Variants in COL22A1 observed in about 807,000 individuals in gnomAD.
COL22A1 encodes collagen alpha-1(XXII) chain.
COL22A1 carries 221 observed loss-of-function variants against 248.9 expected under a neutral mutation model. That is an observed-to-expected ratio of 0.89 (90% CI 0.80 to 0.99). The LOEUF (loss-of-function observed/expected upper bound fraction) is 0.99, where lower values mean the gene tolerates loss of function less well. Among genes scored for constraint, COL22A1 ranks in the 50% least tolerant of loss-of-function variants. COL22A1 has a pLI of 0.00. For synonymous variants in COL22A1, 891 were observed against 793.4 expected (o/e 1.12, Z -2.07); for missense variants, 2,240 against 2,179.0 (o/e 1.03, Z -0.56).
At chr8:138,604,880 CAAT>C in intron 58 of COL22A1, 111 bp from the exon 59 acceptor site, 1 of 977,080 alleles carries the variant, frequency 1.0e-6, no homozygotes, top group Non-Finnish European at 1.6e-6. Flanking sequence ...GCAAAGACAA[CAAT>C]CGATGGTCTA....
chr8:138,895,937 G>T (rs1009358577), intron 1 of COL22A1, among the ~76,000 whole-genome samples: 3 of 152,074 alleles, frequency 2.0e-5, no homozygotes, highest in Non-Finnish European at 4.4e-5. Context: ...TGTCTATAGT[G>T]GAAACACAAA....
chr8:138,870,026 G>A (rs1164420416), intron 3 of COL22A1, among the ~76,000 whole-genome samples: 3 of 151,876 alleles, frequency 2.0e-5, no homozygotes, highest in Non-Finnish European at 2.9e-5. Flanking sequence ...AGGGTGGCAC[G>A]TGAGGCCATA....
chr8:138,606,617 G>A (rs1177650301), intron 57 of COL22A1, among the ~76,000 whole-genome samples, 165 bp from the exon 58 acceptor site: 3 of 152,140 alleles, frequency 2.0e-5, no homozygotes, highest in Non-Finnish European at 4.4e-5. Flanking sequence ...ACGGGGTCTT[G>A]GGACTCCTGG....
intron 23 of COL22A1, among the ~76,000 whole-genome samples, chr8:138,733,071 C>T (rs1474127793): frequency 3.3e-5 from 5 of 152,188 alleles, no homozygotes; most frequent in African/African-American, 1.2e-4. Context: ...CTTCCCACTT[C>T]AAGGGGTTTC....
chr8:138,689,097 C>G (rs1360051335), intron 36 of COL22A1, 127 bp from the exon 37 acceptor site: 1 of 741,280 alleles, frequency 1.3e-6, no homozygotes, highest in Non-Finnish European at 2.4e-6. Flanking sequence ...CACCCAATTC[C>G]CATACTTTAT....
intron 12 of COL22A1, among the ~76,000 whole-genome samples, chr8:138,782,942 T>C (rs1815156927): frequency 6.6e-6 from 1 of 152,138 alleles, no homozygotes; most frequent in African/African-American, 2.4e-5. Context: ...CTGCTGCCCT[T>C]ACCTGACAAT....
Position 138,626,076 on chromosome 8 carries a change from C to G in COL22A1, c.3717+114G>C, listed in dbSNP as rs138971115. On this transcript the variant is annotated intron_variant, in intron 51 of 64. Coordinates refer to ENST00000303045, the MANE Select transcript of COL22A1 (RefSeq NM_152888.3). ...TTTGTTTCTAATTTTCTACAACACT[C>G]AAAATTCTAGTGGCCAGGCCTTGTT... 400 of 773,998 alleles carry G rather than the reference C, an allele frequency of 5.2e-4. No homozygotes were observed. The East Asian group carries it at 9.6e-3, about 19-fold the overall frequency. 47.9% of individuals were successfully genotyped at this position (773,998 alleles called of 1,614,324 possible). A position where few individuals can be genotyped will look rare whatever the true frequency, so the allele number is the denominator to read the frequency against.
intron 2 of COL22A1, among the ~76,000 whole-genome samples, chr8:138,880,852 C>T (rs1824145657): frequency 6.6e-6 from 1 of 152,214 alleles, no homozygotes; most frequent in South Asian, 2.1e-4. Context: ...AGACTGTAAT[C>T]CTAGAACAAA....
At chr8:138,709,401 A>G (rs1426935518) in intron 30 of COL22A1, among the ~76,000 whole-genome samples, 4 of 152,126 alleles carry the variant, frequency 2.6e-5, no homozygotes, top group African/African-American at 9.7e-5. Context: ...ATGTCCATCA[A>G]TGATAGACTG....
At chr8:138,625,223 G>A (rs1820138753) in intron 51 of COL22A1, among the ~76,000 whole-genome samples, 1 of 152,158 alleles carries the variant, frequency 6.6e-6, no homozygotes, top group African/African-American at 2.4e-5. Context: ...TGAGATGGGG[G>A]AAGATCGAAG....
chr8:138,782,745 G>T (rs1815129751), intron 12 of COL22A1, among the ~76,000 whole-genome samples: 1 of 152,158 alleles, frequency 6.6e-6, no homozygotes, highest in Admixed American at 6.6e-5. Context: ...AAATGAAAGT[G>T]TGCACACTCT....
Position 138,648,385 on chromosome 8 carries a change from A to G in COL22A1, c.3447+1280T>C, listed in dbSNP as rs561195403. ...AGTCAGAATAAAGGTCATCTTTCAC[A>G]TCTGTGTTTGTATTCCCTGTACCAT... is the stretch of plus-strand genomic sequence containing the variant. On this transcript the variant is annotated intron_variant, in intron 46 of 64. Coordinates refer to ENST00000303045, the MANE Select transcript of COL22A1 (RefSeq NM_152888.3). 2.9e-4 allele frequency among the ~76,000 whole-genome samples: 44 copies of G among 152,384 alleles called. 1 individual carries two copies. Among genetic ancestry groups the G allele is most frequent in the African/African-American group, 1.0e-3 (42 of 41,608 alleles).
rs1038552458 is a variant in COL22A1, at chr8:138,588,860, G to C, written c.*393C>G. ...AAGAGGTAAATTTGCCAAGTGTCTG[G>C]TCAGGGTTTTGTAGCACCAAGAGTT... On this transcript the variant is annotated 3_prime_UTR_variant, in exon 65 of 65. Transcript: ENST00000303045. The C allele has an allele frequency of 2.5e-5, 4 of 157,558 alleles. No individual in the cohort carries two copies. Among genetic ancestry groups the C allele is most frequent in the African/African-American group, 7.2e-5 (3 of 41,570 alleles). The allele number at this position is 157,558 out of a possible 1,614,324, so 9.8% of individuals were successfully genotyped here. A position where few individuals can be genotyped will look rare whatever the true frequency, so the allele number is the denominator to read the frequency against.
chr8:138,735,070 G>A (rs767960259), intron 23 of COL22A1, among the ~76,000 whole-genome samples: 28 of 152,084 alleles, frequency 1.8e-4, no homozygotes, highest in Non-Finnish European at 3.5e-4. Context: ...AATGCATGTG[G>A]GACTTAAAAC....
chr8:138,791,934 T>C (rs1229255353), intron 12 of COL22A1, among the ~76,000 whole-genome samples: 2 of 152,160 alleles, frequency 1.3e-5, no homozygotes, highest in Admixed American at 6.5e-5. Context: ...TGCACCATAC[T>C]GTGAAATCTG....
intron 6 of COL22A1, among the ~76,000 whole-genome samples, chr8:138,824,636 A>T (rs1021067531): frequency 6.6e-6 from 1 of 152,208 alleles, no homozygotes; most frequent in African/African-American, 2.4e-5. Flanking sequence ...GGCAAATGAA[A>T]GCATGCACAT....
chr8:138,849,885 C>T (rs1402920211), intron 3 of COL22A1, among the ~76,000 whole-genome samples: 2 of 152,078 alleles, frequency 1.3e-5, no homozygotes, highest in African/African-American at 4.8e-5. Flanking sequence ...CTGGAAGCCA[C>T]GTTGGTTGTG....
chr8:138,653,473 C>G (rs560868765), intron 45 of COL22A1, among the ~76,000 whole-genome samples: 9 of 152,280 alleles, frequency 5.9e-5, no homozygotes, highest in African/African-American at 1.4e-4. Flanking sequence ...AAGTGTCTTG[C>G]CCATCTATGC....
chr8:138,726,807 C>T (rs192103243), intron 23 of COL22A1, among the ~76,000 whole-genome samples: 1 of 152,292 alleles, frequency 6.6e-6, no homozygotes, highest in Admixed American at 6.5e-5. Context: ...GGAGGCTGAG[C>T]CAGGACCTCA....
Sources: gnomAD v4.1 joint callset for allele counts (sites outside exome capture counted in the v4.1 genomes callset) on GRCh38, gnomAD v4.1.1 for gene constraint, MANE v1.5 for transcripts, NCBI Gene and HGNC (gene_info 2026-07-23, HGNC 2026-07-21) for gene names.